The following CIAO2A variants were observed in gnomAD, a reference collection of about 807,000 sequenced individuals.
CIAO2A encodes the protein MIP18 family protein FAM96A.
Under a neutral mutation model 22.4 loss-of-function variants are expected in CIAO2A, and 17 were observed. The ratio of observed to expected loss-of-function variants is 0.76; its 90% confidence interval spans 0.52 to 1.14. The LOEUF (loss-of-function observed/expected upper bound fraction) is 1.14, where lower values mean the gene tolerates loss of function less well. CIAO2A is among the 50% of genes most tolerant of loss of function. The pLI, the probability that CIAO2A is intolerant of heterozygous loss-of-function variation, is 0.00. For missense variants in CIAO2A, 192 were observed against 191.4 expected, an observed-to-expected ratio of 1.00 and a Z score of -0.02; for synonymous variants, 74 against 72.3, an observed-to-expected ratio of 1.02 and a Z score of -0.12.
intron 4 of CIAO2A, chr15:64,074,839 C>G (rs1346281367): frequency 2.0e-5 from 3 of 152,096 alleles, no homozygotes; most frequent in African/African-American, 7.2e-5. Flanking sequence ...TTTTTCCCAC[C>G]TTCTCAATTT....
At chr15:64,086,018 A>G (rs766872916) in intron 2 of CIAO2A, among the ~76,000 whole-genome samples, 1 of 151,794 alleles carries the variant, frequency 6.6e-6, no homozygotes, top group Non-Finnish European at 1.5e-5. Context: ...ACATTCTTTC[A>G]TAATAGCTGG....
At chr15:64,075,293 T>C (rs535417296) in intron 4 of CIAO2A, 199 bp downstream of exon 4, 48 of 487,582 alleles carry the variant, frequency 9.8e-5, no homozygotes, top group Non-Finnish European at 1.5e-4. Flanking sequence ...ATCCGTGGGC[T>C]CTAGTGCACT....
At chr15:64,091,341 C>T (rs936059131) in intron 1 of CIAO2A, among the ~76,000 whole-genome samples, 10 of 152,024 alleles carry the variant, frequency 6.6e-5, no homozygotes, top group African/African-American at 2.2e-4. Context: ...AAAAATGAGC[C>T]GGGTGTGGTG....
At chr15:64,073,311 T>C (rs1482062569) in intron 4 of CIAO2A, among the ~76,000 whole-genome samples, 2 of 152,122 alleles carry the variant, frequency 1.3e-5, no homozygotes, top group Non-Finnish European at 2.9e-5. Context: ...ATTTTGAAAA[T>C]TGCTATTTTT....
rs139141894 is a variant in CIAO2A, at chr15:64,076,850, C to T, written c.340-1313G>A. On this transcript the variant is annotated intron_variant, in intron 3 of 4. Coordinates refer to ENST00000300030, the MANE Select transcript of CIAO2A (RefSeq NM_032231.7). ...GGTGATCCTCCCACCTCAGCTCCCA[C>T]ACTCCCACCCCTCTCCTCCCTCGTC... Among the ~76,000 whole-genome samples, 674 of 151,578 alleles carry T rather than the reference C, an allele frequency of 4.4e-3. 4 individuals carry two copies. Among genetic ancestry groups the T allele is most frequent in the African/African-American group, 0.015 (625 of 41,350 alleles).
At chr15:64,086,873 A>T (rs1365432413) in intron 2 of CIAO2A, among the ~76,000 whole-genome samples, 1 of 151,616 alleles carries the variant, frequency 6.6e-6, no homozygotes, top group Admixed American at 6.6e-5. Flanking sequence ...TTGGCCTCCC[A>T]AAGTGCTGGG....
At chr15:64,081,926 T>TA in intron 2 of CIAO2A, among the ~76,000 whole-genome samples, 1 of 152,258 alleles carries the variant, frequency 6.6e-6, no homozygotes, top group African/African-American at 2.4e-5. Flanking sequence ...AAGGGCCACA[T>TA]AAAATCTCTC....
intron 2 of CIAO2A, among the ~76,000 whole-genome samples, chr15:64,085,770 G>A (rs1055421846): frequency 2.0e-5 from 3 of 151,738 alleles, no homozygotes; most frequent in African/African-American, 4.8e-5. Flanking sequence ...GTGCAGTGGC[G>A]TGACCTTCGC....
intron 3 of CIAO2A, among the ~76,000 whole-genome samples, chr15:64,079,444 T>C (rs2080744600): frequency 6.6e-6 from 1 of 152,202 alleles, no homozygotes. Context: ...CTTGGGAGGC[T>C]GAGCCTCGGA....
chr15:64,090,810 G>C (rs1351435336), intron 1 of CIAO2A, among the ~76,000 whole-genome samples: 1 of 152,220 alleles, frequency 6.6e-6, no homozygotes, highest in Non-Finnish European at 1.5e-5. Flanking sequence ...AAGGAAGCTA[G>C]AACAATGACA....
At chr15:64,089,409 T>C (rs1354788049) in intron 1 of CIAO2A, among the ~76,000 whole-genome samples, 1 of 150,602 alleles carries the variant, frequency 6.6e-6, no homozygotes, top group Non-Finnish European at 1.5e-5. Flanking sequence ...AGGCCTGTGG[T>C]CCCAGCCACT....
At chr15:64,077,842 G>A (rs2080730659) in intron 3 of CIAO2A, among the ~76,000 whole-genome samples, 1 of 152,196 alleles carries the variant, frequency 6.6e-6, no homozygotes, top group Admixed American at 6.5e-5. Context: ...AATACGTGCT[G>A]TAGATGAGAT....
intron 2 of CIAO2A, among the ~76,000 whole-genome samples, chr15:64,082,658 C>G (rs1386465736): frequency 6.6e-6 from 1 of 152,204 alleles, no homozygotes; most frequent in Non-Finnish European, 1.5e-5. Context: ...TCCTCTTCCC[C>G]TGGCCCCACC....
chr15:64,080,839 C>T (rs921930232), intron 3 of CIAO2A, among the ~76,000 whole-genome samples: 2 of 152,100 alleles, frequency 1.3e-5, no homozygotes, highest in Non-Finnish European at 2.9e-5. Flanking sequence ...ACAGAGTTAC[C>T]ATAGGACCGG....
chr15:64,083,381 A>G (rs1309466432), intron 2 of CIAO2A, among the ~76,000 whole-genome samples: 10 of 152,036 alleles, frequency 6.6e-5, no homozygotes, highest in Non-Finnish European at 1.5e-4. Context: ...AGCTGCCTTC[A>G]GCCATTCTTA....
Position 64,093,642 on chromosome 15 carries a change from T to C in CIAO2A, c.124+3A>G. 1.7e-5 allele frequency: 27 copies of C among 1,610,346 alleles called. No individual in the cohort carries two copies. Among genetic ancestry groups the C allele is most frequent in the Non-Finnish European group, 2.2e-5 (26 of 1,177,588 alleles). Reference sequence around the variant, plus strand: ...AAATGCTGTGCTGGGTAAAATTAATTACCATAAACTTCTAGCGCTTTCTCT... The same window carrying C: ...AAATGCTGTGCTGGGTAAAATTAATCACCATAAACTTCTAGCGCTTTCTCT... On this transcript the variant is annotated splice_donor_region_variant and intron_variant, in intron 1 of 4. Coordinates refer to ENST00000300030, the MANE Select transcript of CIAO2A (RefSeq NM_032231.7).
At chr15:64,082,512 G>A (rs1309050471) in intron 2 of CIAO2A, among the ~76,000 whole-genome samples, 1 of 152,154 alleles carries the variant, frequency 6.6e-6, no homozygotes, top group Non-Finnish European at 1.5e-5. Flanking sequence ...ATAGGCATGA[G>A]CCACCGCGCC....
chr15:64,087,084 C>CTTTTT (rs766247330), intron 2 of CIAO2A, among the ~76,000 whole-genome samples: 9 of 76,058 alleles, frequency 1.2e-4, no homozygotes, highest in African/African-American at 1.4e-4. Flanking sequence ...GCTAATTTTG[C>CTTTTT]TTTTTTTTTT....
At chr15:64,081,187 T>C (rs1466616309) in intron 2 of CIAO2A, 36 bp from the exon 3 acceptor site, 1 of 1,584,116 alleles carries the variant, frequency 6.3e-7, no homozygotes, top group East Asian at 2.2e-5. Context: ...ATTATCTCTT[T>C]ATTGCTTCTT....
Sources: allele counts gnomAD v4.1 joint callset (sites outside exome capture counted in the v4.1 genomes callset), GRCh38; gene constraint gnomAD v4.1.1; transcripts MANE v1.5; gene names NCBI Gene and HGNC (gene_info 2026-07-23, HGNC 2026-07-21).